TNFRSF19: variants seen among roughly 807,000 people sequenced by gnomAD.
The protein encoded by TNFRSF19 is tumor necrosis factor receptor superfamily member 19.
Under a neutral mutation model 46.4 loss-of-function variants are expected in TNFRSF19, and 27 were observed. The observed-to-expected ratio is 0.58, with a 90% CI of 0.43 to 0.80. TNFRSF19 has a LOEUF of 0.80. Ranked by LOEUF, TNFRSF19 falls within the 30% of genes least tolerant of loss-of-function variation. The probability of loss-of-function intolerance (pLI) is 0.00; values close to 1 mark genes in which losing one functional copy is unlikely to be tolerated. For missense variants in TNFRSF19, 511 were observed against 530.8 expected, an observed-to-expected ratio of 0.96 and a Z score of 0.37; for synonymous variants, 204 against 205.0, an observed-to-expected ratio of 1.00 and a Z score of 0.04.
intron 5 of TNFRSF19, among the ~76,000 whole-genome samples, chr13:23,643,660 A>T (rs1593281604): frequency 6.6e-6 from 1 of 152,240 alleles, no homozygotes; most frequent in African/African-American, 2.4e-5. Flanking sequence ...TAAAACAATG[A>T]TGGGCAGGCA....
At chr13:23,635,540 G>T (rs1227617826) in intron 5 of TNFRSF19, among the ~76,000 whole-genome samples, 2 of 151,954 alleles carry the variant, frequency 1.3e-5, no homozygotes, top group African/African-American at 4.8e-5. Flanking sequence ...CACCATGCCC[G>T]GCTAATTTGT....
chr13:23,577,675 G>A (rs1202911918), intron 1 of TNFRSF19, among the ~76,000 whole-genome samples: 1 of 152,204 alleles, frequency 6.6e-6, no homozygotes, highest in Non-Finnish European at 1.5e-5. Context: ...AGTAGGTAAA[G>A]CTCAGAGGTA....
In TNFRSF19 at chr13:23,675,527, G is replaced by A. The variant is rs977171594; in HGVS notation, c.*2147G>A. ...TTGCTACTGAATTTGGTAAATCCTG[G>A]GTAACTTTTATCAAGATGAAGACAT... On this transcript the variant is annotated 3_prime_UTR_variant, in exon 10 of 10. Coordinates refer to ENST00000248484, the MANE Select transcript of TNFRSF19 (RefSeq NM_148957.4). The A allele has an allele frequency of 6.6e-6, 1 of 152,036 alleles. No homozygotes were observed. The highest frequency in any genetic ancestry group is 2.4e-5 in the African/African-American group (1 of 41,408). 9.4% of individuals were successfully genotyped at this position (152,036 alleles called of 1,614,324 possible).
chr13:23,670,197 T>A (rs1416497181), intron 9 of TNFRSF19, among the ~76,000 whole-genome samples: 1 of 152,248 alleles, frequency 6.6e-6, no homozygotes, highest in Non-Finnish European at 1.5e-5. Context: ...GTTTTTGTTT[T>A]TGGTTTTTGG....
Position 23,653,863 on chromosome 13 carries a change from G to C in TNFRSF19, c.446-5187G>C, listed in dbSNP as rs1410842788. ...TGCCATGCTCATTTCTGCAGGGAGA[G>C]CACAGCCAGGCCACAGTGGCCATGG... On this transcript the variant is annotated intron_variant, in intron 5 of 9. Coordinates refer to ENST00000248484, the MANE Select transcript of TNFRSF19 (RefSeq NM_148957.4). 3.3e-5 allele frequency among the ~76,000 whole-genome samples: 5 copies of C among 152,170 alleles called. No individual in the cohort carries two copies. The East Asian group carries it at 7.7e-4, about 23-fold the overall frequency.
At chr13:23,611,937 A>G (rs1259395462) in intron 3 of TNFRSF19, among the ~76,000 whole-genome samples, 1 of 152,160 alleles carries the variant, frequency 6.6e-6, no homozygotes, top group East Asian at 1.9e-4. Flanking sequence ...GGCATGGGAA[A>G]ACAAATCTAG....
intron 2 of TNFRSF19, among the ~76,000 whole-genome samples, chr13:23,592,784 A>T (rs1045170776): frequency 1.3e-5 from 2 of 152,244 alleles, no homozygotes; most frequent in African/African-American, 4.8e-5. Flanking sequence ...AAACTTCCTC[A>T]TCAAAACCGC....
intron 3 of TNFRSF19, among the ~76,000 whole-genome samples, chr13:23,595,710 T>C (rs7328159): frequency 0.66 from 100,525 of 151,980 alleles, 33,900 homozygotes; most frequent in African/African-American, 0.78. Flanking sequence ...AGGAAAACTT[T>C]CCCAACCTAG....
At chr13:23,606,592 A>G (rs959301235) in intron 3 of TNFRSF19, among the ~76,000 whole-genome samples, 6 of 152,224 alleles carry the variant, frequency 3.9e-5, no homozygotes, top group African/African-American at 1.4e-4. Flanking sequence ...TTAATCTCAA[A>G]TATTACTTGG....
intron 2 of TNFRSF19, 63 bp from the exon 3 acceptor site, chr13:23,593,282 T>G: frequency 2.0e-6 from 2 of 1,000,488 alleles, no homozygotes; most frequent in Non-Finnish European, 3.0e-6. Flanking sequence ...TATTGTTCCT[T>G]TCTTGCAAAA....
chr13:23,606,218 T>C (rs1360213453), intron 3 of TNFRSF19, among the ~76,000 whole-genome samples: 3 of 152,188 alleles, frequency 2.0e-5, no homozygotes, highest in Non-Finnish European at 4.4e-5. Context: ...GAAATATTTT[T>C]CTCTAGATAG....
chr13:23,582,569 T>G (rs1459759338), intron 1 of TNFRSF19, among the ~76,000 whole-genome samples: 1 of 152,026 alleles, frequency 6.6e-6, no homozygotes, highest in East Asian at 1.9e-4. Context: ...TGAGATTGAT[T>G]CGCATATAGT....
chr13:23,673,409 G>A lies in TNFRSF19; in HGVS notation c.*29G>A, dbSNP rs372413999. 87 of 1,599,182 alleles carry A rather than the reference G, an allele frequency of 5.4e-5. No individual in the cohort carries two copies. Among genetic ancestry groups the A allele is most frequent in the East Asian group, 1.8e-4 (8 of 44,478 alleles). On this transcript the variant is annotated 3_prime_UTR_variant, in exon 10 of 10. Coordinates refer to ENST00000248484, the MANE Select transcript of TNFRSF19 (RefSeq NM_148957.4). ...ACCTGCTTCTTTCTGCAGTAGAAGC[G>A]TGTGCTGGAACCCAAAGAGTACTCC... is the stretch of plus-strand genomic sequence containing the variant.
At chr13:23,577,860 T>C (rs1878070388) in intron 1 of TNFRSF19, among the ~76,000 whole-genome samples, 2 of 152,042 alleles carry the variant, frequency 1.3e-5, no homozygotes, top group South Asian at 4.2e-4. Context: ...AGGAACCTCC[T>C]GTGACTCTTC....
Position 23,626,823 on chromosome 13 carries a change from G to A in TNFRSF19, c.445+31G>A, listed in dbSNP as rs1390723505. Reference sequence around the variant, plus strand: ...TGAACGCAACACAGGCAGAGCCAAGGGGACGCCTGGCCTTTTGAAAAAGTT... The same window carrying A: ...TGAACGCAACACAGGCAGAGCCAAGAGGACGCCTGGCCTTTTGAAAAAGTT... On this transcript the variant is annotated intron_variant, in intron 5 of 9. Coordinates refer to ENST00000248484, the MANE Select transcript of TNFRSF19 (RefSeq NM_148957.4). 3.1e-6 allele frequency: 5 copies of A among 1,601,318 alleles called. No homozygotes were observed. The South Asian group carries it at 3.4e-5, about 11-fold the overall frequency.
intron 3 of TNFRSF19, among the ~76,000 whole-genome samples, chr13:23,613,591 T>C (rs1416535560): frequency 3.3e-5 from 5 of 152,214 alleles, no homozygotes; most frequent in Non-Finnish European, 5.9e-5. Flanking sequence ...ATGAGACTCT[T>C]ACAACCTCAA....
At chr13:23,571,070 C>G (rs1877606510) in intron 1 of TNFRSF19, among the ~76,000 whole-genome samples, 1 of 152,176 alleles carries the variant, frequency 6.6e-6, no homozygotes, top group African/African-American at 2.4e-5. Flanking sequence ...GGTTTGCAGT[C>G]TGTCATACAA....
intron 5 of TNFRSF19, among the ~76,000 whole-genome samples, chr13:23,656,100 G>A (rs1491003956): frequency 2.6e-5 from 4 of 152,158 alleles, no homozygotes; most frequent in Non-Finnish European, 5.9e-5. Flanking sequence ...TAAGATGCCT[G>A]TTGTTATATA....
intron 3 of TNFRSF19, among the ~76,000 whole-genome samples, chr13:23,597,166 T>G (rs542141050): frequency 6.6e-6 from 1 of 152,216 alleles, no homozygotes; most frequent in African/African-American, 2.4e-5. Context: ...ATTGACACCC[T>G]AACATCACAA....
Sources: gnomAD v4.1 joint callset for allele counts (sites outside exome capture counted in the v4.1 genomes callset) on GRCh38, gnomAD v4.1.1 for gene constraint, MANE v1.5 for transcripts, NCBI Gene and HGNC (gene_info 2026-07-23, HGNC 2026-07-21) for gene names.